Variants in PARD3B observed in about 807,000 individuals in gnomAD.
PARD3B encodes par-3 family cell polarity regulator beta.
Under a neutral mutation model 130.2 loss-of-function variants are expected in PARD3B, and 103 were observed. The ratio of observed to expected loss-of-function variants is 0.79; its 90% CI spans 0.67 to 0.93. The LOEUF (loss-of-function observed/expected upper bound fraction) is 0.93. Ranked by LOEUF, PARD3B falls within the 40% of genes least tolerant of loss-of-function variation. PARD3B has a pLI of 0.00. For synonymous variants in PARD3B, 583 were observed against 553.2 expected (o/e 1.05, Z -0.76); for missense variants, 1,609 against 1,499.2 (o/e 1.07, Z -1.21).
At chr2:205,416,103 C>T (rs1256675553) in intron 19 of PARD3B, among the ~76,000 whole-genome samples, 1 of 151,754 alleles carries the variant, frequency 6.6e-6, no homozygotes, top group East Asian at 1.9e-4. Context: ...GAGTAGGGGG[C>T]TTTATTTTAT....
At position 204,702,579 on chromosome 2, in the gene PARD3B, A is replaced by G. The variant is rs560045388; in HGVS notation, c.222+16297A>G. ...CGTGTCTTTTGCCTATTTTTATTTT[A>G]TTTTTTTCTTTTTTTGAAGGAGTAT... is the stretch of plus-strand genomic sequence containing the variant. On this transcript the variant is annotated intron_variant, in intron 2 of 22. Coordinates refer to ENST00000406610, the MANE Select transcript of PARD3B (RefSeq NM_001302769.2). Among the ~76,000 whole-genome samples the G allele has an allele frequency of 2.6e-5, 4 of 151,568 alleles. No individual in the cohort carries two copies. The South Asian group carries it at 8.4e-4, about 32-fold the overall frequency.
intron 10 of PARD3B, among the ~76,000 whole-genome samples, chr2:205,129,351 C>T (rs530101851): frequency 2.0e-4 from 30 of 152,294 alleles, no homozygotes; most frequent in South Asian, 1.9e-3. Context: ...ATGTTTGGCA[C>T]GTGCTGGGCT....
intron 21 of PARD3B, among the ~76,000 whole-genome samples, chr2:205,533,471 C>G (rs2051693807): frequency 6.6e-6 from 1 of 152,058 alleles, no homozygotes; most frequent in East Asian, 1.9e-4. Context: ...AAATAAAAAT[C>G]CATTTTCTTA....
At chr2:205,428,799 C>T (rs2047231466) in intron 19 of PARD3B, among the ~76,000 whole-genome samples, 1 of 151,766 alleles carries the variant, frequency 6.6e-6, no homozygotes, top group South Asian at 2.1e-4. Flanking sequence ...GGCTTTTTTT[C>T]CCCCAGAAAT....
At chr2:205,479,796 C>A (rs2049158121) in intron 20 of PARD3B, among the ~76,000 whole-genome samples, 1 of 152,142 alleles carries the variant, frequency 6.6e-6, no homozygotes, top group Admixed American at 6.5e-5. Flanking sequence ...AAAGATCTGT[C>A]CAAGTCCTGT....
At chr2:204,964,566 G>A (rs1227916637) in intron 2 of PARD3B, among the ~76,000 whole-genome samples, 3 of 152,034 alleles carry the variant, frequency 2.0e-5, no homozygotes, top group Admixed American at 6.6e-5. Context: ...TGAAGGAAAA[G>A]AACAAAATTA....
chr2:205,301,698 T>C lies in PARD3B; in HGVS notation c.2627T>C (p.Leu876Pro). 1 of 1,613,966 alleles carries C rather than the reference T, an allele frequency of 6.2e-7. No homozygotes were observed. Among genetic ancestry groups the C allele is most frequent in the East Asian group, 2.2e-5 (1 of 44,896 alleles). Residue 876 changes from leucine (L) to proline (P), a missense_variant, in exon 18 of 23, where the codon CTG becomes CCG. Physicochemically the swap from Leu to Pro is moderately conservative, Grantham distance 98. Transcript: ENST00000406610. This position sits in a 1 kb window ranked among gnomAD's most constrained non-coding sequence, Gnocchi z 5.2. ...KIKKKGFGAM[L>P]RFGKKKEDKG... is the part of the protein sequence containing the mutation. ...AAGAAGAAGGGCTTCGGCGCCATGCTGAGGTATGGGCCTGCTTTGAAGGCA... is the reference window on the plus strand; with the variant it reads ...AAGAAGAAGGGCTTCGGCGCCATGCCGAGGTATGGGCCTGCTTTGAAGGCA...
intron 15 of PARD3B, among the ~76,000 whole-genome samples, chr2:205,222,508 C>T (rs1035690513): frequency 1.3e-5 from 2 of 152,134 alleles, no homozygotes; most frequent in Non-Finnish European, 2.9e-5. Flanking sequence ...TGATTTCTGA[C>T]ACATGCTAAA....
chr2:205,492,815 T>C (rs1425867695), intron 20 of PARD3B, among the ~76,000 whole-genome samples: 12 of 152,168 alleles, frequency 7.9e-5, no homozygotes, highest in Non-Finnish European at 1.8e-4. Context: ...AAAAAGCAAT[T>C]ATTTATTATT....
chr2:205,049,962 G>A (rs1337373935), intron 4 of PARD3B, among the ~76,000 whole-genome samples: 1 of 151,962 alleles, frequency 6.6e-6, no homozygotes, highest in African/African-American at 2.4e-5. Context: ...CACATCTTAG[G>A]TGTCTCTTGC....
intron 18 of PARD3B, among the ~76,000 whole-genome samples, chr2:205,350,550 C>T (rs1219080404): frequency 6.6e-6 from 1 of 152,148 alleles, no homozygotes; most frequent in African/African-American, 2.4e-5. Context: ...GTCAGATTCT[C>T]CTCCACTGCT....
At chr2:204,992,081 A>G (rs1176079337) in intron 3 of PARD3B, among the ~76,000 whole-genome samples, 4 of 151,794 alleles carry the variant, frequency 2.6e-5, no homozygotes, top group Non-Finnish European at 4.4e-5. Flanking sequence ...CTTTAGTTTA[A>G]TTAGATCCCA....
chr2:204,764,163 A>G (rs2041030761), intron 2 of PARD3B, among the ~76,000 whole-genome samples: 1 of 152,098 alleles, frequency 6.6e-6, no homozygotes, highest in Admixed American at 6.5e-5. Context: ...TTTACAGTTG[A>G]ATATAGAGGC....
intron 3 of PARD3B, among the ~76,000 whole-genome samples, chr2:205,035,926 C>CTA (rs200017661): frequency 0.13 from 16,195 of 125,768 alleles, 1,113 homozygotes; most frequent in African/African-American, 0.19. Flanking sequence ...TCTGACTCCA[C>CTA]TATATATATA....
rs529149658 is a variant in PARD3B, at chr2:205,244,685, T to C, written c.2141-1093T>C. 1.3e-5 allele frequency among the ~76,000 whole-genome samples: 2 copies of C among 152,250 alleles called. No homozygotes were observed. The highest frequency in any genetic ancestry group is 6.5e-5 in the Admixed American group (1 of 15,294). On this transcript the variant is annotated intron_variant, in intron 15 of 22. Coordinates refer to ENST00000406610, the MANE Select transcript of PARD3B (RefSeq NM_001302769.2). This position sits in a 1 kb window ranked among gnomAD's most constrained non-coding sequence, Gnocchi z 4.7. The stretch of plus-strand genomic sequence containing the variant: ...TTTACTTATAAACACATTTTTTTTT[T>C]CAAAAAACTACTATAGGGCGACCCA...
chr2:204,764,230 G>A (rs1488979463), intron 2 of PARD3B, among the ~76,000 whole-genome samples: 2 of 152,138 alleles, frequency 1.3e-5, no homozygotes, highest in African/African-American at 4.8e-5. Flanking sequence ...ATGAATTTCT[G>A]GTAGCTCCAC....
chr2:205,182,545 G>T (rs1416150255), intron 13 of PARD3B, among the ~76,000 whole-genome samples: 2 of 151,132 alleles, frequency 1.3e-5, no homozygotes, highest in Admixed American at 6.6e-5. Context: ...CGAGGAGAAA[G>T]TTATCTACAG....
chr2:205,174,687 T>G (rs1315122694), intron 12 of PARD3B, among the ~76,000 whole-genome samples: 1 of 152,300 alleles, frequency 6.6e-6, no homozygotes, highest in Non-Finnish European at 1.5e-5. Context: ...TTAGTTAGAT[T>G]TGCCAGGAAT....
intron 18 of PARD3B, among the ~76,000 whole-genome samples, chr2:205,353,174 C>A (rs753872907): frequency 6.6e-6 from 1 of 152,122 alleles, no homozygotes; most frequent in Non-Finnish European, 1.5e-5. Flanking sequence ...TGAAGAGGAC[C>A]AGAAGGAACA....
Sources: allele counts gnomAD v4.1 joint callset (sites outside exome capture counted in the v4.1 genomes callset), GRCh38; gene constraint gnomAD v4.1.1; non-coding constraint Gnocchi (gnomAD v3.1); transcripts MANE v1.5; gene names NCBI Gene and HGNC (gene_info 2026-07-23, HGNC 2026-07-21).